The following BCLAF1 variants were observed in gnomAD, a reference collection of about 807,000 sequenced individuals.
The protein encoded by BCLAF1 is bcl-2-associated transcription factor 1.
BCLAF1 carries 10 observed loss-of-function variants against 99.5 expected under a neutral mutation model. The observed-to-expected ratio is 0.10, with a 90% confidence interval of 0.06 to 0.17. The LOEUF (loss-of-function observed/expected upper bound fraction) is 0.17, where lower values mean the gene tolerates loss of function less well. BCLAF1 is among the 10% of genes least tolerant of loss of function. BCLAF1 has a pLI of 1.00. For synonymous variants in BCLAF1, 255 were observed against 370.9 expected (o/e 0.69, Z 3.59); for missense variants, 636 against 1,105.8 (o/e 0.58, Z 6.02).
intron 3 of BCLAF1, among the ~76,000 whole-genome samples, chr6:136,279,089 G>A (rs1370005366): frequency 6.6e-6 from 1 of 151,366 alleles, no homozygotes; most frequent in African/African-American, 2.4e-5. Context: ...CTCTAGGCAA[G>A]CACTTAAATT....
At chr6:136,271,004 C>T (rs1782447970) in intron 8 of BCLAF1, among the ~76,000 whole-genome samples, 1 of 151,716 alleles carries the variant, frequency 6.6e-6, no homozygotes, top group Admixed American at 6.6e-5. Context: ...AAAAAAAAAC[C>T]TTGTTTGTAA....
chr6:136,276,870 TTGA>T (rs1783501000), intron 4 of BCLAF1, among the ~76,000 whole-genome samples: 1 of 152,200 alleles, frequency 6.6e-6, no homozygotes, highest in African/African-American at 2.4e-5. Flanking sequence ...TAGAATTCTA[TTGA>T]TAATTATCCC....
At chr6:136,285,264 T>C (rs1174024035) in intron 1 of BCLAF1, among the ~76,000 whole-genome samples, 1 of 152,236 alleles carries the variant, frequency 6.6e-6, no homozygotes, top group East Asian at 1.9e-4. Context: ...AAGATGTGGT[T>C]TGTCAAAATG....
Position 136,268,184 on chromosome 6 carries a change from A to C in BCLAF1, c.2375T>G (p.Val792Gly). ...TACAAAGGTTCCTCGTGGTCGGCTAACTCCTGCAAAGCCTGAGTATTCTTT... is the reference window on the plus strand; with the variant it reads ...TACAAAGGTTCCTCGTGGTCGGCTACCTCCTGCAAAGCCTGAGTATTCTTT... ...EMKEYSGFAG[V>G]SRPRGTFFRI... The change falls in exon 10 of 13, where the codon GTT (valine) becomes GGT (glycine). Residue 792 changes from valine (V) to glycine (G), a missense_variant. Around this residue, in one of 9 missense-constraint regions of BCLAF1, gnomAD observed 180 missense variants for 270.0 expected, o/e 0.67. Transcript: ENST00000531224. 1 of 1,541,468 alleles carries C rather than the reference A, an allele frequency of 6.5e-7. No individual in the cohort carries two copies. The highest frequency in any genetic ancestry group is 1.3e-5 in the South Asian group (1 of 79,390).
Position 136,264,291 on chromosome 6 carries a change from C to T in BCLAF1, c.2544+2738G>A, listed in dbSNP as rs370145250. Among the ~76,000 whole-genome samples, 12 of 152,260 alleles carry T rather than the reference C, an allele frequency of 7.9e-5. No homozygotes were observed. The South Asian group carries it at 2.5e-3, about 32-fold the overall frequency. The stretch of plus-strand genomic sequence containing the variant: ...GCGCAACCTTGGCTCACTGCAACCT[C>T]CACCACTTGGGTTCAAGCGATTCTC... On this transcript the variant is annotated intron_variant, in intron 11 of 12. Coordinates refer to ENST00000531224, the MANE Select transcript of BCLAF1 (RefSeq NM_014739.3).
intron 1 of BCLAF1, among the ~76,000 whole-genome samples, chr6:136,285,434 G>A (rs983838898): frequency 6.6e-6 from 1 of 152,090 alleles, no homozygotes; most frequent in Non-Finnish European, 1.5e-5. Context: ...GCCCACAGTC[G>A]GAGTGTAAAT....
In BCLAF1 at chr6:136,276,516, T is replaced by TA; in HGVS notation, c.1017-9dup. 6.3e-7 allele frequency: 1 copy of TA among 1,582,830 alleles called. No individual in the cohort carries two copies. The highest frequency in any genetic ancestry group is 1.2e-5 in the South Asian group (1 of 86,744). On this transcript the variant is annotated splice_polypyrimidine_tract_variant and intron_variant, in intron 4 of 12. Coordinates refer to ENST00000531224, the MANE Select transcript of BCLAF1 (RefSeq NM_014739.3). ...GACTCTTCATCTGTGAACCTGCGAA[T>TA]AAGCAAAGAAGAGGATAGTAACTCT...
Position 136,268,155 on chromosome 6 carries a change from C to T in BCLAF1, c.2397+7G>A, listed in dbSNP as rs778653407. ...ACCAAACAATCAAAGATAATTTTTTCACTTACAAAGGTTCCTCGTGGTCGG... is the reference window on the plus strand; with the variant it reads ...ACCAAACAATCAAAGATAATTTTTTTACTTACAAAGGTTCCTCGTGGTCGG... On this transcript the variant is annotated splice_region_variant and intron_variant, in intron 10 of 12. Coordinates refer to ENST00000531224, the MANE Select transcript of BCLAF1 (RefSeq NM_014739.3). 5.3e-6 allele frequency: 8 copies of T among 1,511,246 alleles called. No homozygotes were observed. The highest frequency in any genetic ancestry group is 7.0e-6 in the Non-Finnish European group (8 of 1,134,908). The allele number at this position is 1,511,246 out of a possible 1,614,324, so 93.6% of individuals were successfully genotyped here. A position where few individuals can be genotyped will look rare whatever the true frequency, so the allele number is the denominator to read the frequency against.
chr6:136,272,981 C>T (rs1782742335), intron 7 of BCLAF1, 101 bp downstream of exon 7: 2 of 735,464 alleles, frequency 2.7e-6, no homozygotes, highest in South Asian at 4.0e-5. Context: ...AGGAATAATA[C>T]TTGTATCAAT....
intron 10 of BCLAF1, among the ~76,000 whole-genome samples, chr6:136,267,451 CTTTTTACTAGTCAA>C (rs1781872717): frequency 6.6e-6 from 1 of 151,774 alleles, no homozygotes; most frequent in Non-Finnish European, 1.5e-5. Context: ...GTTGTTTTTC[CTTTTTACTAGTCAA>C]AAGTTGTCTA....
chr6:136,284,128 GTGTATATA>G (rs1447880081), intron 1 of BCLAF1, among the ~76,000 whole-genome samples: 18 of 81,348 alleles, frequency 2.2e-4, no homozygotes, highest in African/African-American at 3.2e-4. Context: ...GTGTGTGTGT[GTGTATATA>G]TATATATATA....
At chr6:136,283,178 CAAAAAAAAA>C (rs1173234336) in intron 1 of BCLAF1, among the ~76,000 whole-genome samples, 2 of 52,046 alleles carry the variant, frequency 3.8e-5, no homozygotes, top group South Asian at 9.5e-4. Flanking sequence ...GACCCCATCT[CAAAAAAAAA>C]AAAAAAAAAA....
At position 136,279,797 on chromosome 6, in the gene BCLAF1, T is replaced by C; in HGVS notation, c.70A>G (p.Arg24Gly). 1 of 1,578,502 alleles carries C rather than the reference T, an allele frequency of 6.3e-7. No individual in the cohort carries two copies. Among genetic ancestry groups the C allele is most frequent in the Non-Finnish European group, 8.6e-7 (1 of 1,162,378 alleles). Reference protein sequence around the residue: ...KSRSQSSSRSRSRSHSRKKRY... With the variant: ...KSRSQSSSRSGSRSHSRKKRY... Reference sequence around the variant, plus strand: ...TTCTTTCTAGAATGAGATCTTGATCTTGATCGAGAACTAGACTGTGATCTA... The same window carrying C: ...TTCTTTCTAGAATGAGATCTTGATCCTGATCGAGAACTAGACTGTGATCTA... Residue 24 changes from arginine (R) to glycine (G), a missense_variant, in exon 3 of 13, where the codon AGA becomes GGA. By Grantham distance (125) the Arg-to-Gly change is moderately radical. Transcript: ENST00000531224.
chr6:136,272,859 A>G (rs950846188), intron 7 of BCLAF1, among the ~76,000 whole-genome samples: 3 of 152,004 alleles, frequency 2.0e-5, no homozygotes, highest in Non-Finnish European at 4.4e-5. Context: ...TCCATACTGC[A>G]AAGTAATAAG....
chr6:136,276,873 A>G (rs1486944903), intron 4 of BCLAF1, among the ~76,000 whole-genome samples: 1 of 152,216 alleles, frequency 6.6e-6, no homozygotes, highest in African/African-American at 2.4e-5. Flanking sequence ...AATTCTATTG[A>G]TAATTATCCC....
Position 136,258,835 on chromosome 6 carries a change from C to T in BCLAF1, c.*2275G>A, listed in dbSNP as rs954403883. The T allele has an allele frequency of 2.6e-5, 4 of 152,434 alleles. No individual in the cohort carries two copies. The highest frequency in any genetic ancestry group is 7.2e-5 in the African/African-American group (3 of 41,428). 9.4% of individuals were successfully genotyped at this position (152,434 alleles called of 1,614,324 possible). ...AAAATTCCTAGGATGCTGAAAGGTA[C>T]ACATACACACCTAAAGAGTCATGGC... is the stretch of plus-strand genomic sequence containing the variant. On this transcript the variant is annotated 3_prime_UTR_variant, in exon 13 of 13. Coordinates refer to ENST00000531224, the MANE Select transcript of BCLAF1 (RefSeq NM_014739.3).
chr6:136,289,624 C>T (rs1785702206), intron 1 of BCLAF1, 89 bp downstream of exon 1: 1 of 152,386 alleles, frequency 6.6e-6, no homozygotes, highest in South Asian at 2.1e-4. Context: ...TCGCCGCCAA[C>T]CCGACACCAC....
chr6:136,261,549 C>A, intron 11 of BCLAF1, 72 bp from the exon 12 acceptor site: 1 of 1,454,530 alleles, frequency 6.9e-7, no homozygotes, highest in Non-Finnish European at 9.5e-7. Flanking sequence ...AATCATAAAT[C>A]ACAGTATTAA....
intron 9 of BCLAF1, chr6:136,268,616 ATTAAG>A (rs759038715): frequency 3.0e-5 from 9 of 296,734 alleles, no homozygotes; most frequent in South Asian, 8.2e-5. Flanking sequence ...GTATTTTTAA[ATTAAG>A]TTATGTCTTT....
Sources: gnomAD v4.1 joint callset for allele counts (sites outside exome capture counted in the v4.1 genomes callset) on GRCh38, gnomAD v4.1.1 for gene constraint, gnomAD v4.1.1 regional missense constraint, MANE v1.5 for transcripts, NCBI Gene and HGNC (gene_info 2026-07-23, HGNC 2026-07-21) for gene names.